ISCU: variants seen among roughly 807,000 people sequenced by gnomAD.
The protein encoded by ISCU is iron-sulfur cluster assembly enzyme.
A neutral mutation model predicts 18.4 loss-of-function variants in ISCU; 13 were observed. The ratio of observed to expected loss-of-function variants is 0.71; its 90% CI spans 0.46 to 1.12. The LOEUF is 1.12. Ranked by LOEUF, ISCU falls within the 50% of genes most tolerant of loss-of-function variation. The probability of loss-of-function intolerance (pLI) is 0.00; values close to 1 mark genes in which losing one functional copy is unlikely to be tolerated. For missense variants in ISCU, 229 were observed against 208.7 expected, an observed-to-expected ratio of 1.10 and a Z score of -0.60; for synonymous variants, 104 against 87.5, an observed-to-expected ratio of 1.19 and a Z score of -1.06.
At chr12:108,563,639 A>G (rs1592789356) in intron 1 of ISCU, 2 of 252,672 alleles carry the variant, frequency 7.9e-6, no homozygotes, top group Non-Finnish European at 7.8e-6. Flanking sequence ...CCCTTTCTCC[A>G]AGGGCTTCTT....
chr12:108,561,878 C>A (rs959414439), upstream of ISCU, among the ~76,000 whole-genome samples: 2 of 152,038 alleles, frequency 1.3e-5, no homozygotes, highest in African/African-American at 4.8e-5. Context: ...TATTCGTTTC[C>A]TTCTTAAGCT....
In ISCU at chr12:108,568,982, T is replaced by C; in HGVS notation, c.*66T>C. 7.2e-7 allele frequency: 1 copy of C among 1,385,840 alleles called. No homozygotes were observed. The highest frequency in any genetic ancestry group is 1.4e-5 in the African/African-American group (1 of 70,488). The allele number at this position is 1,385,840 out of a possible 1,614,324, so 85.8% of individuals were successfully genotyped here. On this transcript the variant is annotated 3_prime_UTR_variant, in exon 5 of 5. Coordinates refer to ENST00000311893, the MANE Select transcript of ISCU (RefSeq NM_213595.4). ...TTTCCCACCTGCTGTGCAGTCACCT[T>C]AGATGTTCAGAAGCCGCTTCCTCTC...
Position 108,569,246 on chromosome 12 carries a change from AT to A in ISCU, c.*333del. On this transcript the variant is annotated 3_prime_UTR_variant, in exon 5 of 5. Coordinates refer to ENST00000311893, the MANE Select transcript of ISCU (RefSeq NM_213595.4). ...TAAGTATCTAATTTTACCTGAATTG[AT>A]TTGGGGGGAAATTACCAGTAGAATG... 1 of 319,150 alleles carries A rather than the reference AT, an allele frequency of 3.1e-6. No homozygotes were observed. The highest frequency in any genetic ancestry group is 6.0e-6 in the Non-Finnish European group (1 of 166,086). The allele number at this position is 319,150 out of a possible 1,614,324, so 19.8% of individuals were successfully genotyped here.
Position 108,565,517 on chromosome 12 carries a change from G to T in ISCU, c.339+86G>T, listed in dbSNP as rs2030853947. On this transcript the variant is annotated intron_variant, in intron 3 of 4. Transcript: ENST00000311893. ...TCTAAATTTTTAAAATTTCTCCTAT[G>T]CAGATGTTGATTATATTATCATTTC... is the stretch of plus-strand genomic sequence containing the variant. The T allele has an allele frequency of 4.0e-5, 33 of 833,098 alleles. No individual in the cohort carries two copies. In the South Asian group the frequency reaches 4.6e-4, roughly 12 times the overall value. 51.6% of individuals were successfully genotyped at this position (833,098 alleles called of 1,614,324 possible).
Position 108,562,667 on chromosome 12 carries a change from T to C in ISCU, c.45T>C (p.Ala15=), listed in dbSNP as rs755968010. ...TCCGTCTGAGGCGGGCGGCATCGGC[T>C]CTGCTGCTGCGGAGCCCCCGCCTGC... ...GAFRLRRAAS[A]LLLRSPRLPA... The change falls in exon 1 of 5, where the codon GCT becomes GCC. Residue 15 remains alanine, a synonymous_variant. Transcript: ENST00000311893. 1.4e-6 allele frequency: 2 copies of C among 1,454,256 alleles called. No homozygotes were observed. The highest frequency in any genetic ancestry group is 1.9e-4 in the Middle Eastern group (1 of 5,282). The allele number at this position is 1,454,256 out of a possible 1,614,324, so 90.1% of individuals were successfully genotyped here.
chr12:108,563,175 A>G (rs893867221), intron 1 of ISCU: 3 of 155,104 alleles, frequency 1.9e-5, no homozygotes, highest in Non-Finnish European at 4.3e-5. Context: ...CTTACAAAGG[A>G]TACTGTGCGT....
upstream of ISCU, chr12:108,562,436 G>A: frequency 2.3e-6 from 1 of 437,142 alleles, no homozygotes; most frequent in Non-Finnish European, 4.0e-6. Flanking sequence ...TCCCGCTCCC[G>A]ACCCCGCCCG....
chr12:108,567,920 G>T, intron 4 of ISCU: 1 of 1,404,768 alleles, frequency 7.1e-7, no homozygotes, highest in South Asian at 1.2e-5. Context: ...ACCTTCTCAG[G>T]GAAAGAAGGA....
intron 4 of ISCU, 77 bp from the exon 5 acceptor site, chr12:108,568,754 G>A: frequency 1.3e-6 from 2 of 1,555,502 alleles, no homozygotes; most frequent in Non-Finnish European, 1.7e-6. Context: ...CTTCCTCCCA[G>A]CTCTTAAAGA....
chr12:108,564,125 C>CA, intron 1 of ISCU, 154 bp from the exon 2 acceptor site: 1 of 1,613,332 alleles, frequency 6.2e-7, no homozygotes, highest in Admixed American at 1.7e-5. Flanking sequence ...AAATGGTTCT[C>CA]ATTGACATGA....
In ISCU at chr12:108,569,249, T is replaced by TG; in HGVS notation, c.*339dup. On this transcript the variant is annotated 3_prime_UTR_variant, in exon 5 of 5. Coordinates refer to ENST00000311893, the MANE Select transcript of ISCU (RefSeq NM_213595.4). ...GTATCTAATTTTACCTGAATTGATTTGGGGGGAAATTACCAGTAGAATGCC... is the reference window on the plus strand; with the variant it reads ...GTATCTAATTTTACCTGAATTGATTTGGGGGGGAAATTACCAGTAGAATGCC... 3.1e-6 allele frequency: 1 copy of TG among 318,156 alleles called. No individual in the cohort carries two copies. 19.7% of individuals were successfully genotyped at this position (318,156 alleles called of 1,614,324 possible).
intron 1 of ISCU, chr12:108,563,376 A>G (rs2030724658): frequency 1.3e-5 from 2 of 153,400 alleles, no homozygotes; most frequent in Admixed American, 6.5e-5. Flanking sequence ...CTGGTGGCAC[A>G]AAGTCCCCCA....
chr12:108,568,936 T>G lies in ISCU; in HGVS notation c.*20T>G. The G allele has an allele frequency of 5.0e-6, 8 of 1,597,970 alleles. No individual in the cohort carries two copies. Among genetic ancestry groups the G allele is most frequent in the Non-Finnish European group, 6.8e-6 (8 of 1,170,716 alleles). ...AAATGAGCCCTCCCTCGGCGAAGCC[T>G]CCAGCAGGCCACACCAGCTGTTTCC... On this transcript the variant is annotated 3_prime_UTR_variant, in exon 5 of 5. Transcript: ENST00000311893.
At chr12:108,563,520 G>A (rs991616095) in intron 1 of ISCU, 1 of 167,502 alleles carries the variant, frequency 6.0e-6, no homozygotes, top group African/African-American at 2.4e-5. Context: ...GGGGGGAAAA[G>A]GGGACTGGAA....
chr12:108,563,219 C>T (rs549722600), intron 1 of ISCU: 7 of 153,272 alleles, frequency 4.6e-5, no homozygotes, highest in African/African-American at 1.4e-4. Context: ...ACATAGGCCC[C>T]AGCACGAGGA....
chr12:108,565,408 A>G lies in ISCU; in HGVS notation c.316A>G (p.Thr106Ala), dbSNP rs780745695. Residue 106 changes from threonine to alanine, a missense_variant, in exon 3 of 5, where the codon ACT (threonine) becomes GCT (alanine). Transcript: ENST00000311893. ...CGCAATTGCCTCCAGCTCATTAGCC[A>G]CTGAATGGGTGAAAGGAAAGACGGT... is the stretch of plus-strand genomic sequence containing the variant. ...GSAIASSSLATEWVKGKTVEE... is the reference protein window; with the variant it reads ...GSAIASSSLAAEWVKGKTVEE... 7 of 1,613,046 alleles carry G rather than the reference A, an allele frequency of 4.3e-6. No homozygotes were observed. In the East Asian group the frequency reaches 1.6e-4, roughly 36 times the overall value.
intron 3 of ISCU, among the ~76,000 whole-genome samples, chr12:108,566,289 G>A (rs1267317601): frequency 2.0e-5 from 3 of 152,272 alleles, no homozygotes; most frequent in Non-Finnish European, 4.4e-5. Context: ...ACCTGCTGTG[G>A]CAGGAGGTAG....
intron 3 of ISCU, among the ~76,000 whole-genome samples, chr12:108,566,215 C>G (rs1320066023): frequency 1.3e-5 from 2 of 152,288 alleles, no homozygotes; most frequent in Non-Finnish European, 2.9e-5. Flanking sequence ...CACGTGCCAC[C>G]TGCTTCCTGT....
chr12:108,568,660 C>T, intron 4 of ISCU, 171 bp from the exon 5 acceptor site: 2 of 1,467,998 alleles, frequency 1.4e-6, no homozygotes, highest in Non-Finnish European at 1.8e-6. Context: ...AGTAACTCAG[C>T]TCAGGAAGCA....
Sources: gnomAD v4.1 joint callset for allele counts (sites outside exome capture counted in the v4.1 genomes callset) on GRCh38, gnomAD v4.1.1 for gene constraint, MANE v1.5 for transcripts, NCBI Gene and HGNC (gene_info 2026-07-23, HGNC 2026-07-21) for gene names.